Variants in RNF180 observed in about 807,000 individuals in gnomAD.
The protein encoded by RNF180 is ring finger protein 180, also known as E3 ubiquitin-protein ligase RNF180.
RNF180 carries 38 observed loss-of-function variants against 59.2 expected under a neutral mutation model. The observed-to-expected ratio is 0.64, with a 90% CI of 0.50 to 0.84. The LOEUF (loss-of-function observed/expected upper bound fraction) is 0.84. Among genes scored for constraint, RNF180 ranks in the 40% least tolerant of loss-of-function variants. RNF180 has a pLI of 0.00. For missense variants in RNF180, 705 were observed against 700.9 expected (o/e 1.01, Z -0.07); for synonymous variants, 262 against 240.3 (o/e 1.09, Z -0.84).
intron 5 of RNF180, among the ~76,000 whole-genome samples, chr5:64,288,017 G>C (rs1742377193): frequency 6.6e-6 from 1 of 152,102 alleles, no homozygotes; most frequent in Admixed American, 6.5e-5. Flanking sequence ...TTTTCTTCCA[G>C]AGTTTTTATA....
chr5:64,311,389 G>C (rs1331255347), intron 5 of RNF180, among the ~76,000 whole-genome samples: 1 of 151,850 alleles, frequency 6.6e-6, no homozygotes, highest in Non-Finnish European at 1.5e-5. Flanking sequence ...ATGTACTAAA[G>C]TATAGTACCC....
intron 7 of RNF180, among the ~76,000 whole-genome samples, chr5:64,368,913 G>C (rs1303749775): frequency 1.3e-5 from 2 of 151,978 alleles, no homozygotes; most frequent in East Asian, 3.9e-4. Context: ...GAGTCCTCAG[G>C]GATCTGGAAC....
intron 5 of RNF180, among the ~76,000 whole-genome samples, chr5:64,262,411 C>T (rs1744399118): frequency 1.3e-5 from 2 of 152,052 alleles, no homozygotes; most frequent in South Asian, 2.1e-4. Context: ...GTACATTGCT[C>T]ATTTCGTATT....
chr5:64,190,602 CT>C, intron 1 of RNF180, among the ~76,000 whole-genome samples: 1 of 152,226 alleles, frequency 6.6e-6, no homozygotes, highest in East Asian at 1.9e-4. Context: ...GTCCTCTCCC[CT>C]AAATCCATAT....
intron 5 of RNF180, among the ~76,000 whole-genome samples, chr5:64,237,810 T>G (rs951691332): frequency 4.0e-5 from 6 of 151,324 alleles, no homozygotes; most frequent in African/African-American, 1.2e-4. Context: ...CTGGCACTTC[T>G]CTCTCTCTCT....
intron 5 of RNF180, among the ~76,000 whole-genome samples, chr5:64,246,143 T>TA (rs1489980824): frequency 6.6e-6 from 1 of 152,146 alleles, no homozygotes; most frequent in Non-Finnish European, 1.5e-5. Context: ...TTTATAGCAC[T>TA]AAATGTCCAC....
chr5:64,341,144 C>G (rs1745339005), intron 7 of RNF180, among the ~76,000 whole-genome samples: 1 of 152,136 alleles, frequency 6.6e-6, no homozygotes, highest in African/African-American at 2.4e-5. Context: ...AAAAATTCAA[C>G]CAGTAACCAC....
In RNF180 at chr5:64,336,576, A is replaced by G. The variant is rs1024037355; in HGVS notation, c.1579+6170A>G. On this transcript the variant is annotated intron_variant, in intron 7 of 7. Coordinates refer to ENST00000389100, the MANE Select transcript of RNF180 (RefSeq NM_001113561.2). The stretch of plus-strand genomic sequence containing the variant: ...TCCCAAATGACTAGCCTAGACACCT[A>G]TTATCAGTGTGTAAGGTTGGGAAAA... Among the ~76,000 whole-genome samples the G allele has an allele frequency of 5.3e-5, 8 of 152,350 alleles. No individual in the cohort carries two copies. In the East Asian group the frequency reaches 7.7e-4, roughly 15 times the overall value.
At chr5:64,200,680 G>A (rs1409633731) in intron 1 of RNF180, 128 bp from the exon 2 acceptor site, 2 of 705,970 alleles carry the variant, frequency 2.8e-6, no homozygotes, top group African/African-American at 3.6e-5. Context: ...CTGATAACTG[G>A]TAGGTACCTT....
intron 7 of RNF180, among the ~76,000 whole-genome samples, chr5:64,368,294 A>G (rs1746526256): frequency 6.6e-6 from 1 of 151,794 alleles, no homozygotes; most frequent in South Asian, 2.1e-4. Context: ...AAAGTATAAG[A>G]TACAAGGTTA....
chr5:64,284,331 C>T (rs914742627), intron 5 of RNF180, among the ~76,000 whole-genome samples: 1 of 152,106 alleles, frequency 6.6e-6, no homozygotes, highest in African/African-American at 2.4e-5. Flanking sequence ...GACTGTGTAT[C>T]TTCAGGATGG....
intron 5 of RNF180, among the ~76,000 whole-genome samples, chr5:64,257,304 G>C (rs1312443293): frequency 1.3e-5 from 2 of 152,156 alleles, no homozygotes; most frequent in Non-Finnish European, 2.9e-5. Flanking sequence ...AATGCTTCCA[G>C]CTTTTGCCCA....
rs118052420 is a variant in RNF180, at chr5:64,293,232, G to T, written c.1228-31954G>T. On this transcript the variant is annotated intron_variant, in intron 5 of 7. Transcript: ENST00000389100. ...TTGGGGTAGGTGTGCTTTTGGCTCT[G>T]TGTTGCTCCTGCTCCTGGGGGGGCT... 1.4e-3 allele frequency among the ~76,000 whole-genome samples: 212 copies of T among 152,290 alleles called. 6 individuals are homozygous for T. In the East Asian group the frequency reaches 0.037, roughly 26 times the overall value.
intron 5 of RNF180, among the ~76,000 whole-genome samples, chr5:64,265,196 A>G (rs529103387): frequency 3.3e-5 from 5 of 152,136 alleles, no homozygotes; most frequent in Non-Finnish European, 7.4e-5. Context: ...CTCTGATGAT[A>G]GTTTCCTTTA....
chr5:64,228,040 A>G (rs1033376797), intron 5 of RNF180, among the ~76,000 whole-genome samples: 1 of 152,088 alleles, frequency 6.6e-6, no homozygotes, highest in Non-Finnish European at 1.5e-5. Flanking sequence ...ATCAGCCTCC[A>G]TGTGCCCCCA....
chr5:64,246,384 A>C (rs1334178051), intron 5 of RNF180, among the ~76,000 whole-genome samples: 7 of 152,324 alleles, frequency 4.6e-5, no homozygotes, highest in African/African-American at 1.7e-4. Flanking sequence ...AAAGAAGAAA[A>C]GACAGAAAAA....
chr5:64,330,797 A>T (rs1226364857), intron 7 of RNF180, among the ~76,000 whole-genome samples: 1 of 152,176 alleles, frequency 6.6e-6, no homozygotes, highest in Non-Finnish European at 1.5e-5. Flanking sequence ...TGCACATTCC[A>T]CAGAGCTGGC....
chr5:64,247,759 T>G (rs1433875602), intron 5 of RNF180, among the ~76,000 whole-genome samples: 3 of 152,160 alleles, frequency 2.0e-5, no homozygotes, highest in Non-Finnish European at 4.4e-5. Flanking sequence ...ATAAAACTAC[T>G]TTAAATTTCT....
chr5:64,329,463 T>C (rs1047285771), intron 6 of RNF180, among the ~76,000 whole-genome samples: 2 of 150,622 alleles, frequency 1.3e-5, no homozygotes, highest in Non-Finnish European at 1.5e-5. Flanking sequence ...TTTTCTTTTT[T>C]TTTTTTTTTC....
Sources: gnomAD v4.1 joint callset for allele counts (sites outside exome capture counted in the v4.1 genomes callset) on GRCh38, gnomAD v4.1.1 for gene constraint, MANE v1.5 for transcripts, NCBI Gene and HGNC (gene_info 2026-07-23, HGNC 2026-07-21) for gene names.